IMMP2L: variants seen among roughly 807,000 people sequenced by gnomAD.
IMMP2L encodes the protein mitochondrial inner membrane protease subunit 2.
IMMP2L carries 18 observed loss-of-function variants against 19.3 expected under a neutral mutation model. The ratio of observed to expected loss-of-function variants is 0.93; its 90% CI spans 0.64 to 1.38. The LOEUF is 1.38. IMMP2L is among the 40% of genes most tolerant of loss of function. The pLI is 0.00. For synonymous variants in IMMP2L, 76 were observed against 73.0 expected (o/e 1.04, Z -0.21); for missense variants, 233 against 218.2 (o/e 1.07, Z -0.43).
intron 4 of IMMP2L, among the ~76,000 whole-genome samples, chr7:110,940,277 C>A (rs1213086377): frequency 6.6e-6 from 1 of 151,098 alleles, no homozygotes; most frequent in Non-Finnish European, 1.5e-5. Context: ...CAAGATTGCA[C>A]CACTGCACTC....
chr7:110,853,109 TAC>T (rs139532487), intron 5 of IMMP2L, among the ~76,000 whole-genome samples: 7 of 151,700 alleles, frequency 4.6e-5, no homozygotes, highest in Admixed American at 2.0e-4. Flanking sequence ...TACATTTGCA[TAC>T]ACACACACAC....
chr7:111,304,461 G>A (rs73201101), intron 3 of IMMP2L, among the ~76,000 whole-genome samples: 2,829 of 151,778 alleles, frequency 0.019, 34 homozygotes, highest in Non-Finnish European at 0.03. Flanking sequence ...AAAAATTAAC[G>A]TTCAGCCATT....
chr7:111,302,441 A>C (rs751512112), intron 3 of IMMP2L, among the ~76,000 whole-genome samples: 1 of 152,118 alleles, frequency 6.6e-6, no homozygotes, highest in Non-Finnish European at 1.5e-5. Flanking sequence ...GAATAATAAT[A>C]AGTACAGCAA....
At chr7:111,554,348 T>C (rs551608709) in intron 1 of IMMP2L, among the ~76,000 whole-genome samples, 42 of 152,166 alleles carry the variant, frequency 2.8e-4, no homozygotes, top group African/African-American at 9.9e-4. Context: ...CAAAAATATC[T>C]TGCAATAAAA....
intron 3 of IMMP2L, among the ~76,000 whole-genome samples, chr7:111,179,767 G>T (rs1164717380): frequency 6.6e-6 from 1 of 152,012 alleles, no homozygotes; most frequent in African/African-American, 2.4e-5. Flanking sequence ...TTGAAAATCA[G>T]TTGTTTAGTG....
At chr7:111,131,541 A>G (rs1801846692) in intron 3 of IMMP2L, among the ~76,000 whole-genome samples, 1 of 151,946 alleles carries the variant, frequency 6.6e-6, no homozygotes, top group South Asian at 2.1e-4. Context: ...TGCTCTTAGG[A>G]AATCCACTTC....
intron 4 of IMMP2L, among the ~76,000 whole-genome samples, chr7:110,923,819 C>T (rs577279168): frequency 1.7e-4 from 26 of 152,116 alleles, no homozygotes; most frequent in Non-Finnish European, 3.5e-4. Context: ...TTTGTTTAGG[C>T]ATTCCTTCAA....
intron 3 of IMMP2L, among the ~76,000 whole-genome samples, chr7:111,397,292 T>C (rs1397395894): frequency 3.3e-5 from 5 of 152,162 alleles, no homozygotes; most frequent in African/African-American, 9.6e-5. Flanking sequence ...TCAATATTCA[T>C]AGTCTTCGAA....
intron 3 of IMMP2L, among the ~76,000 whole-genome samples, chr7:111,301,998 T>C (rs940369591): frequency 2.8e-5 from 4 of 142,076 alleles, no homozygotes; most frequent in Non-Finnish European, 6.1e-5. Context: ...TGACTCCTTA[T>C]CCAGGCTCAC....
At chr7:110,687,997 AATC>A (rs1404876801) in intron 5 of IMMP2L, among the ~76,000 whole-genome samples, 32 of 152,104 alleles carry the variant, frequency 2.1e-4, no homozygotes, top group African/African-American at 7.7e-4. Flanking sequence ...ATGTCTATGA[AATC>A]ATCATACTGT....
intron 4 of IMMP2L, among the ~76,000 whole-genome samples, chr7:110,907,704 A>T (rs935322432): frequency 6.6e-6 from 1 of 152,208 alleles, no homozygotes; most frequent in Non-Finnish European, 1.5e-5. Context: ...ATGAGTTCAT[A>T]TATAAAAAAT....
At position 110,749,827 on chromosome 7, in the gene IMMP2L, C is replaced by A. The variant is rs547581959; in HGVS notation, c.409-86106G>T. ...GGGTTGAATGGGTGCAGCAAACCAC[C>A]CTGGCACATGTATACCTATGTAACA... On this transcript the variant is annotated intron_variant, in intron 5 of 5. Coordinates refer to ENST00000405709, the MANE Select transcript of IMMP2L (RefSeq NM_032549.4). Among the ~76,000 whole-genome samples the A allele has an allele frequency of 3.3e-5, 5 of 152,140 alleles. No individual in the cohort carries two copies. In the East Asian group the frequency reaches 9.7e-4, roughly 29 times the overall value.
chr7:111,337,878 CAACA>C (rs1268412143), intron 3 of IMMP2L, among the ~76,000 whole-genome samples: 1 of 152,100 alleles, frequency 6.6e-6, no homozygotes, highest in African/African-American at 2.4e-5. Context: ...GCAACAGCAT[CAACA>C]AACATTCACT....
chr7:110,794,655 GTA>G (rs1462087760), intron 5 of IMMP2L, among the ~76,000 whole-genome samples: 8 of 151,924 alleles, frequency 5.3e-5, no homozygotes, highest in Non-Finnish European at 1.2e-4. Flanking sequence ...TTCTACCACA[GTA>G]TATGACTATT....
chr7:111,140,453 G>A (rs1006000433), intron 3 of IMMP2L, among the ~76,000 whole-genome samples: 1 of 152,064 alleles, frequency 6.6e-6, no homozygotes, highest in African/African-American at 2.4e-5. Context: ...CAATCTACAG[G>A]GTTCTGAAAC....
chr7:111,396,850 C>T (rs1274021767), intron 3 of IMMP2L, among the ~76,000 whole-genome samples: 1 of 151,756 alleles, frequency 6.6e-6, no homozygotes, highest in Non-Finnish European at 1.5e-5. Flanking sequence ...TTTGGGAGGC[C>T]GAGGAGGGCG....
chr7:111,160,516 C>G (rs1329106865), intron 3 of IMMP2L, among the ~76,000 whole-genome samples: 1 of 151,820 alleles, frequency 6.6e-6, no homozygotes, highest in Non-Finnish European at 1.5e-5. Flanking sequence ...TAATTAACAT[C>G]TATGACTCAA....
At chr7:111,524,843 A>G (rs1846686710) in intron 1 of IMMP2L, among the ~76,000 whole-genome samples, 2 of 152,164 alleles carry the variant, frequency 1.3e-5, no homozygotes, top group South Asian at 4.1e-4. Context: ...TTCCATCAGA[A>G]AATGACTTCC....
At chr7:111,389,824 T>C (rs777677231) in intron 3 of IMMP2L, among the ~76,000 whole-genome samples, 53 of 152,034 alleles carry the variant, frequency 3.5e-4, no homozygotes, top group Non-Finnish European at 6.3e-4. Flanking sequence ...GAATTTTGAA[T>C]ATAAAAAAGT....
Sources: allele counts gnomAD v4.1 joint callset (sites outside exome capture counted in the v4.1 genomes callset), GRCh38; gene constraint gnomAD v4.1.1; transcripts MANE v1.5; gene names NCBI Gene and HGNC (gene_info 2026-07-23, HGNC 2026-07-21).